The following DNAH7 variants were observed in gnomAD, a reference collection of about 807,000 sequenced individuals.
DNAH7 encodes axonemal beta dynein heavy chain 7.
Under a neutral mutation model 444.6 loss-of-function variants are expected in DNAH7, and 397 were observed. The observed-to-expected ratio is 0.89, with a 90% CI of 0.82 to 0.97. DNAH7 has a LOEUF of 0.97. DNAH7 is among the 50% of genes least tolerant of loss of function. The pLI, the probability that DNAH7 is intolerant of heterozygous loss-of-function variation, is 0.00. For synonymous variants in DNAH7, 1,636 were observed against 1,624.4 expected (o/e 1.01, Z -0.17); for missense variants, 4,902 against 4,800.8 (o/e 1.02, Z -0.62).
chr2:196,056,304 G>A (rs1211595898), intron 2 of DNAH7, among the ~76,000 whole-genome samples: 1 of 151,822 alleles, frequency 6.6e-6, no homozygotes, highest in Non-Finnish European at 1.5e-5. Flanking sequence ...AATTAGGCAG[G>A]CGTGGTGGCA....
rs554843216 is a variant in DNAH7, at chr2:195,801,702, A to G, written c.10177-2230T>C. Among the ~76,000 whole-genome samples, 3 of 152,338 alleles carry G rather than the reference A, an allele frequency of 2.0e-5. No homozygotes were observed. In the South Asian group the frequency reaches 6.2e-4, roughly 32 times the overall value. On this transcript the variant is annotated intron_variant, in intron 54 of 64. Coordinates refer to ENST00000312428, the MANE Select transcript of DNAH7 (RefSeq NM_018897.3). Reference sequence around the variant, plus strand: ...ATGGTCTACTCTGTAAAACATTGCAAATACTTCCAAACTTCGATTTTATAG... The same window carrying G: ...ATGGTCTACTCTGTAAAACATTGCAGATACTTCCAAACTTCGATTTTATAG...
intron 15 of DNAH7, among the ~76,000 whole-genome samples, chr2:195,979,184 A>C (rs1692397661): frequency 6.6e-6 from 1 of 152,218 alleles, no homozygotes; most frequent in African/African-American, 2.4e-5. Flanking sequence ...CCTTCTCTGC[A>C]GCACATGGAT....
intron 19 of DNAH7, among the ~76,000 whole-genome samples, chr2:195,946,807 T>C (rs1044941733): frequency 6.6e-6 from 1 of 152,064 alleles, no homozygotes; most frequent in Non-Finnish European, 1.5e-5. Flanking sequence ...GGGAGAGTAG[T>C]CTCCATATCT....
chr2:195,745,816 C>T (rs1260387036), intron 63 of DNAH7, among the ~76,000 whole-genome samples: 2 of 152,120 alleles, frequency 1.3e-5, no homozygotes, highest in Non-Finnish European at 2.9e-5. Context: ...ATGTTGTCAC[C>T]ACCAGGCCTG....
At position 196,012,902 on chromosome 2, in the gene DNAH7, A is replaced by C; in HGVS notation, c.874T>G (p.Leu292Val). 1 of 1,482,084 alleles carries C rather than the reference A, an allele frequency of 6.7e-7. No individual in the cohort carries two copies. The highest frequency in any genetic ancestry group is 9.0e-7 in the Non-Finnish European group (1 of 1,114,630). The allele number at this position is 1,482,084 out of a possible 1,614,324, so 91.8% of individuals were successfully genotyped here. A position where few individuals can be genotyped will look rare whatever the true frequency, so the allele number is the denominator to read the frequency against. Reference protein sequence around the residue: ...LDLWHTNFKKLRLVDIKEFHN... With the variant: ...LDLWHTNFKKVRLVDIKEFHN... ...AATTCTTTGATATCAACTAAACGTA[A>C]TTTTCTGCAAAAGATAAAAATAAAC... Residue 292 changes from leucine to valine, a missense_variant, in exon 10 of 65, where the codon TTA (leucine) becomes GTA (valine). Leu to Val is a conservative substitution (Grantham distance 32, BLOSUM62 1). Transcript: ENST00000312428.
At chr2:195,822,572 CCTCA>C (rs1040646628) in intron 49 of DNAH7, among the ~76,000 whole-genome samples, 2 of 152,090 alleles carry the variant, frequency 1.3e-5, no homozygotes, top group Non-Finnish European at 2.9e-5. Context: ...CAAGTAACTG[CCTCA>C]CTATGTTTTC....
At chr2:195,792,405 ACAC>A (rs1378961073) in intron 57 of DNAH7, among the ~76,000 whole-genome samples, 1 of 145,418 alleles carries the variant, frequency 6.9e-6, no homozygotes, top group African/African-American at 2.5e-5. Context: ...ACACACACAC[ACAC>A]ACACACACAC....
chr2:195,962,962 G>T (rs969791080), intron 17 of DNAH7, among the ~76,000 whole-genome samples: 1 of 152,126 alleles, frequency 6.6e-6, no homozygotes, highest in Admixed American at 6.5e-5. Context: ...GTTTGTTATG[G>T]CTGAATAGTA....
At chr2:195,764,763 T>C (rs1040761329) in intron 61 of DNAH7, among the ~76,000 whole-genome samples, 7 of 152,050 alleles carry the variant, frequency 4.6e-5, no homozygotes, top group African/African-American at 1.2e-4. Flanking sequence ...AGATATTCCA[T>C]GTCAATGGAT....
At chr2:195,975,376 G>C (rs979093600) in intron 15 of DNAH7, among the ~76,000 whole-genome samples, 1 of 152,158 alleles carries the variant, frequency 6.6e-6, no homozygotes, top group African/African-American at 2.4e-5. Flanking sequence ...GGACCACTTA[G>C]AGCAGCCCTA....
intron 46 of DNAH7, among the ~76,000 whole-genome samples, chr2:195,852,603 T>C (rs1269781268): frequency 6.6e-6 from 1 of 152,056 alleles, no homozygotes; most frequent in Admixed American, 6.5e-5. Flanking sequence ...AGCTGAATAG[T>C]ATGTTGGGTC....
intron 2 of DNAH7, among the ~76,000 whole-genome samples, chr2:196,053,802 A>G (rs962308964): frequency 1.3e-5 from 2 of 152,182 alleles, no homozygotes; most frequent in Non-Finnish European, 2.9e-5. Context: ...CTTTGTAGCC[A>G]TATGATTTGT....
intron 31 of DNAH7, among the ~76,000 whole-genome samples, chr2:195,890,146 G>T (rs1001893264): frequency 2.6e-5 from 4 of 152,162 alleles, no homozygotes; most frequent in Non-Finnish European, 4.4e-5. Flanking sequence ...GCAGCCAACT[G>T]CATTAATCTA....
At chr2:195,966,214 G>A (rs749390924) in intron 17 of DNAH7, among the ~76,000 whole-genome samples, 6 of 151,852 alleles carry the variant, frequency 4.0e-5, no homozygotes, top group East Asian at 1.9e-4. Context: ...TGACCCCACC[G>A]CTCATTCAGG....
intron 19 of DNAH7, among the ~76,000 whole-genome samples, chr2:195,950,571 G>C (rs954008140): frequency 6.6e-6 from 1 of 151,416 alleles, no homozygotes; most frequent in Non-Finnish European, 1.5e-5. Flanking sequence ...GCTCCTGGCT[G>C]AGCATGGTGG....
intron 2 of DNAH7, 83 bp downstream of exon 2, chr2:196,057,971 C>A: frequency 8.9e-7 from 1 of 1,120,914 alleles, no homozygotes; most frequent in Non-Finnish European, 1.2e-6. Context: ...ATCAGAAATT[C>A]AGTAACTTAC....
chr2:195,883,821 T>C (rs191003427), intron 35 of DNAH7, among the ~76,000 whole-genome samples: 45 of 152,268 alleles, frequency 3.0e-4, no homozygotes, highest in African/African-American at 1.1e-3. Context: ...ATCTTAAGGA[T>C]ATAATCAGAT....
At chr2:195,972,147 A>G (rs1189100397) in intron 16 of DNAH7, 95 bp downstream of exon 16, 2 of 965,192 alleles carry the variant, frequency 2.1e-6, no homozygotes, top group East Asian at 5.1e-5. Flanking sequence ...AAGCTAAAAA[A>G]GTATGCACTC....
At chr2:195,836,135 G>A (rs1698361152) in intron 47 of DNAH7, among the ~76,000 whole-genome samples, 1 of 152,130 alleles carries the variant, frequency 6.6e-6, no homozygotes, top group African/African-American at 2.4e-5. Flanking sequence ...TGTTCCTGGT[G>A]CTGCTCCCTC....
Sources: allele counts gnomAD v4.1 joint callset (sites outside exome capture counted in the v4.1 genomes callset), GRCh38; gene constraint gnomAD v4.1.1; transcripts MANE v1.5; gene names NCBI Gene and HGNC (gene_info 2026-07-23, HGNC 2026-07-21).